FOXN2: variants seen among roughly 807,000 people sequenced by gnomAD.
FOXN2 encodes the protein forkhead box protein N2.
A neutral mutation model predicts 41.2 loss-of-function variants in FOXN2; 19 were observed. The observed-to-expected ratio is 0.46, with a 90% CI of 0.32 to 0.68. The LOEUF (loss-of-function observed/expected upper bound fraction) is 0.68. Among genes scored for constraint, FOXN2 ranks in the 30% least tolerant of loss-of-function variants. The pLI, the probability that FOXN2 is intolerant of heterozygous loss-of-function variation, is 0.03. For synonymous variants in FOXN2, 195 were observed against 176.8 expected (o/e 1.10, Z -0.82); for missense variants, 587 against 509.4 (o/e 1.15, Z -1.47).
chr2:48,374,858 A>T (rs1673133060), intron 6 of FOXN2, 62 bp from the exon 7 acceptor site: 44 of 1,410,704 alleles, frequency 3.1e-5, no homozygotes, highest in Non-Finnish European at 4.0e-5. Flanking sequence ...AGTAGTTTAA[A>T]ATTGGTCTGT....
intron 1 of FOXN2, among the ~76,000 whole-genome samples, chr2:48,316,840 C>G (rs1668949512): frequency 6.6e-6 from 1 of 152,070 alleles, no homozygotes; most frequent in Non-Finnish European, 1.5e-5. Context: ...GAATGTTAAA[C>G]CACAGGAACC....
Position 48,346,236 on chromosome 2 carries a change from A to T in FOXN2, c.22A>T (p.Thr8Ser). Residue 8 changes from threonine (T) to serine (S), a missense_variant, in exon 3 of 7, where the codon ACT (threonine) becomes TCT (serine). Thr to Ser is a moderately conservative substitution (Grantham distance 58). Coordinates refer to ENST00000340553, the MANE Select transcript of FOXN2 (RefSeq NM_002158.4). ...GTAAATGGGTCCAGTAATTGGAATG[A>T]CTCCAGATAAGAGAGCTGAAACCCC... MGPVIGM[T>S]PDKRAETPGA... 6.2e-7 allele frequency: 1 copy of T among 1,608,556 alleles called. No homozygotes were observed. Among genetic ancestry groups the T allele is most frequent in the Non-Finnish European group, 8.5e-7 (1 of 1,177,964 alleles).
intron 3 of FOXN2, among the ~76,000 whole-genome samples, chr2:48,357,209 C>G (rs957410439): frequency 2.0e-5 from 3 of 152,054 alleles, no homozygotes; most frequent in African/African-American, 7.2e-5. Context: ...ACTTAACTGC[C>G]CTGAAACTGC....
At chr2:48,333,719 A>C (rs1340994167) in intron 2 of FOXN2, among the ~76,000 whole-genome samples, 1 of 152,218 alleles carries the variant, frequency 6.6e-6, no homozygotes, top group African/African-American at 2.4e-5. Flanking sequence ...AAAATGCTCC[A>C]GAAGCCAAAA....
At chr2:48,352,635 G>A (rs1476908932) in intron 3 of FOXN2, among the ~76,000 whole-genome samples, 1 of 152,158 alleles carries the variant, frequency 6.6e-6, no homozygotes, top group Non-Finnish European at 1.5e-5. Context: ...AATTCAGTGT[G>A]TCCGAAATTG....
chr2:48,371,821 A>G (rs1672913620), intron 5 of FOXN2, among the ~76,000 whole-genome samples: 1 of 151,964 alleles, frequency 6.6e-6, no homozygotes, highest in African/African-American at 2.4e-5. Context: ...TGCCATCTTG[A>G]TTTCTTTTTC....
intron 2 of FOXN2, among the ~76,000 whole-genome samples, chr2:48,342,304 T>C (rs1265399606): frequency 6.6e-6 from 1 of 152,162 alleles, no homozygotes; most frequent in African/African-American, 2.4e-5. Flanking sequence ...ATTTCTCTGT[T>C]ATAGAAAATG....
In FOXN2 at chr2:48,362,555, AGAGT is replaced by A. The variant is rs766732260; in HGVS notation, c.639-84_639-81del. ...CTGCACTCCAGCCTGGGCGGCCAGC[AGAGT>A]GAGAGAGAACCTGTCAAAAATTAGG... is the stretch of plus-strand genomic sequence containing the variant. On this transcript the variant is annotated intron_variant, in intron 4 of 6. Coordinates refer to ENST00000340553, the MANE Select transcript of FOXN2 (RefSeq NM_002158.4). 645 of 1,137,072 alleles carry A rather than the reference AGAGT, an allele frequency of 5.7e-4. 1 individual carries two copies. Among genetic ancestry groups the A allele is most frequent in the Non-Finnish European group, 7.8e-4 (601 of 766,342 alleles). 70.4% of individuals were successfully genotyped at this position (1,137,072 alleles called of 1,614,324 possible).
rs990692945 is a variant in FOXN2 at position 48,344,854 on chromosome 2, A to G, written c.-14-1347A>G. 1.2e-4 allele frequency among the ~76,000 whole-genome samples: 13 copies of G among 108,336 alleles called. No homozygotes were observed. The East Asian group carries it at 2.1e-3, about 17-fold the overall frequency. The allele number at this position is 108,336 out of a possible 152,430, so 71.1% of individuals were successfully genotyped here. A position where few individuals can be genotyped will look rare whatever the true frequency, so the allele number is the denominator to read the frequency against. Reference sequence around the variant, plus strand: ...ACTCTGGAGGTACCCCCCCCCCCCAATTATTTCAGTTACACAAGCATAAGT... The same window carrying G: ...ACTCTGGAGGTACCCCCCCCCCCCAGTTATTTCAGTTACACAAGCATAAGT... On this transcript the variant is annotated intron_variant, in intron 2 of 6. Transcript: ENST00000340553.
At chr2:48,335,598 C>G (rs1558618296) in intron 2 of FOXN2, among the ~76,000 whole-genome samples, 1 of 117,060 alleles carries the variant, frequency 8.5e-6, no homozygotes, top group East Asian at 2.7e-4. Flanking sequence ...CAGTGACAGA[C>G]TATTTTTTAA....
chr2:48,375,077 A>C lies in FOXN2; in HGVS notation c.930A>C (p.Ala310=), dbSNP rs769799493. The C allele has an allele frequency of 2.5e-6, 4 of 1,614,078 alleles. No homozygotes were observed. The highest frequency in any genetic ancestry group is 3.4e-6 in the Non-Finnish European group (4 of 1,179,962). Residue 310 remains alanine (A), a synonymous_variant, in exon 7 of 7, where the codon GCA becomes GCC. Coordinates refer to ENST00000340553, the MANE Select transcript of FOXN2 (RefSeq NM_002158.4). Reference sequence around the variant, plus strand: ...ACAATTACAGTGCAAGTAGCATGGCAGCACAGCGTTGTGCATCCAGGTCTA... The same window carrying C: ...ACAATTACAGTGCAAGTAGCATGGCCGCACAGCGTTGTGCATCCAGGTCTA... ...EDHNYSASSM[A]AQRCASRSSV... is the part of the protein sequence containing the mutation.
At chr2:48,344,429 C>T (rs1670965543) in intron 2 of FOXN2, among the ~76,000 whole-genome samples, 1 of 152,180 alleles carries the variant, frequency 6.6e-6, no homozygotes, top group African/African-American at 2.4e-5. Flanking sequence ...GTTGCCAGCA[C>T]ATATTGTGGT....
rs952970752 is a variant in FOXN2, at chr2:48,378,031, T to C, written c.*2588T>C. ...CCAACATATCCTAAAAACTGTGATA[T>C]AAGCTAACATATAATTTGCCTTACG... On this transcript the variant is annotated 3_prime_UTR_variant, in exon 7 of 7. Coordinates refer to ENST00000340553, the MANE Select transcript of FOXN2 (RefSeq NM_002158.4). 4 of 152,248 alleles carry C rather than the reference T, an allele frequency of 2.6e-5. No individual in the cohort carries two copies. Among genetic ancestry groups the C allele is most frequent in the Admixed American group, 2.6e-4 (4 of 15,278 alleles). The allele number at this position is 152,248 out of a possible 1,614,324, so 9.4% of individuals were successfully genotyped here.
At chr2:48,335,969 A>G (rs1286593149) in intron 2 of FOXN2, among the ~76,000 whole-genome samples, 5 of 151,732 alleles carry the variant, frequency 3.3e-5, no homozygotes, top group Non-Finnish European at 7.4e-5. Flanking sequence ...CAGAGCTTGC[A>G]GTGAGTGAAC....
At chr2:48,338,829 A>C (rs2104307686) in intron 2 of FOXN2, among the ~76,000 whole-genome samples, 1 of 152,302 alleles carries the variant, frequency 6.6e-6, no homozygotes, top group Non-Finnish European at 1.5e-5. Context: ...TTATAAAACA[A>C]ACTGTAGACC....
intron 2 of FOXN2, among the ~76,000 whole-genome samples, chr2:48,345,485 A>G (rs1444898351): frequency 6.6e-6 from 1 of 152,166 alleles, no homozygotes; most frequent in Admixed American, 6.5e-5. Flanking sequence ...CTAAAAGACC[A>G]TTTAAAATGT....
At chr2:48,338,039 T>C (rs778314333) in intron 2 of FOXN2, among the ~76,000 whole-genome samples, 1 of 152,184 alleles carries the variant, frequency 6.6e-6, no homozygotes, top group South Asian at 2.1e-4. Context: ...AATGAATCAT[T>C]ATGAAAATTA....
chr2:48,313,973 C>T (rs1668709298), upstream of FOXN2, among the ~76,000 whole-genome samples: 1 of 152,220 alleles, frequency 6.6e-6, no homozygotes, highest in African/African-American at 2.4e-5. Flanking sequence ...AAGTCCTTAG[C>T]TTCTGTAAAT....
At chr2:48,323,319 T>A (rs1669458791) in intron 1 of FOXN2, among the ~76,000 whole-genome samples, 1 of 152,226 alleles carries the variant, frequency 6.6e-6, no homozygotes, top group Non-Finnish European at 1.5e-5. Context: ...TCGATACCGT[T>A]TTTCATAATG....
Sources: gnomAD v4.1 joint callset for allele counts (sites outside exome capture counted in the v4.1 genomes callset) on GRCh38, gnomAD v4.1.1 for gene constraint, MANE v1.5 for transcripts, NCBI Gene and HGNC (gene_info 2026-07-23, HGNC 2026-07-21) for gene names.